Variants in SV2C observed in about 807,000 individuals in gnomAD.
SV2C encodes the protein synaptic vesicle glycoprotein 2C.
A neutral mutation model predicts 79.7 loss-of-function variants in SV2C; 49 were observed. That is an observed-to-expected ratio of 0.61 (90% CI 0.49 to 0.78). The LOEUF (loss-of-function observed/expected upper bound fraction) is 0.78, where lower values mean the gene tolerates loss of function less well. Ranked by LOEUF, SV2C falls within the 30% of genes least tolerant of loss-of-function variation. The pLI, the probability that SV2C is intolerant of heterozygous loss-of-function variation, is 0.00. For synonymous variants in SV2C, 334 were observed against 333.2 expected (o/e 1.00, Z -0.03); for missense variants, 833 against 912.9 (o/e 0.91, Z 1.13).
At chr5:75,920,910 C>G in the SV2C span, 1 of 742,058 alleles carries the variant, frequency 1.3e-6, no homozygotes, top group African/African-American at 1.7e-5. Flanking sequence ...GCCCTGCAGG[C>G]CCTGGTCTCG....
At chr5:76,222,972 G>A (rs891494843) in intron 4 of SV2C, among the ~76,000 whole-genome samples, 1 of 152,098 alleles carries the variant, frequency 6.6e-6, no homozygotes, top group Non-Finnish European at 1.5e-5. Flanking sequence ...TGTACATGAA[G>A]AAGCTAAGAA....
intron 1 of SV2C, among the ~76,000 whole-genome samples, chr5:76,105,881 G>A (rs1747894190): frequency 6.6e-6 from 1 of 151,986 alleles, no homozygotes; most frequent in Admixed American, 6.6e-5. Context: ...GATCCGGGGA[G>A]CAATCTTCTC....
the SV2C span, among the ~76,000 whole-genome samples, chr5:75,998,679 T>G: frequency 1.7e-4 from 25 of 148,426 alleles, no homozygotes; most frequent in African/African-American, 2.6e-4. Context: ...TGTGTGTGGG[T>G]GTGTGTGTGT....
chr5:76,254,558 G>C (rs1746213344), intron 4 of SV2C, among the ~76,000 whole-genome samples: 1 of 152,090 alleles, frequency 6.6e-6, no homozygotes, highest in Admixed American at 6.5e-5. Flanking sequence ...ATCTGACATA[G>C]ATATGCCCAA....
chr5:76,219,724 T>G (rs949543274), intron 4 of SV2C, among the ~76,000 whole-genome samples: 4 of 152,128 alleles, frequency 2.6e-5, no homozygotes, highest in African/African-American at 9.7e-5. Flanking sequence ...CTTGAGAGAT[T>G]GAGAGTTCTG....
intron 4 of SV2C, among the ~76,000 whole-genome samples, chr5:76,255,152 T>C (rs1415863615): frequency 6.6e-6 from 1 of 152,246 alleles, no homozygotes; most frequent in Admixed American, 6.5e-5. Flanking sequence ...TCTGTGGATC[T>C]CTCCAGTAAT....
At chr5:76,208,854 C>T (rs934306901) in intron 3 of SV2C, among the ~76,000 whole-genome samples, 30 of 152,080 alleles carry the variant, frequency 2.0e-4, no homozygotes, top group Admixed American at 3.9e-4. Flanking sequence ...TACTACCTTG[C>T]TTTTTGAGGC....
chr5:76,027,354 G>A, the SV2C span, among the ~76,000 whole-genome samples: 1 of 151,394 alleles, frequency 6.6e-6, no homozygotes, highest in African/African-American at 2.4e-5. Flanking sequence ...GAGCCACCAA[G>A]CCCAACCTTT....
the SV2C span, among the ~76,000 whole-genome samples, chr5:75,965,487 A>G: frequency 1.3e-5 from 2 of 152,156 alleles, no homozygotes; most frequent in Non-Finnish European, 2.9e-5. Context: ...CATGTGACAC[A>G]CAGTGAAAAG....
chr5:76,022,092 G>A, the SV2C span, among the ~76,000 whole-genome samples: 1 of 152,158 alleles, frequency 6.6e-6, no homozygotes, highest in African/African-American at 2.4e-5. Flanking sequence ...CTGAGAAATT[G>A]AAGCTTACAG....
the SV2C span, among the ~76,000 whole-genome samples, chr5:75,890,791 T>G: frequency 6.6e-6 from 1 of 152,084 alleles, no homozygotes; most frequent in Non-Finnish European, 1.5e-5. Flanking sequence ...GGGCTAGGCC[T>G]GCAGTGGAGG....
intron 4 of SV2C, among the ~76,000 whole-genome samples, chr5:76,262,812 C>A (rs1746519804): frequency 7.0e-6 from 1 of 142,594 alleles, no homozygotes; most frequent in African/African-American, 3.1e-5. Flanking sequence ...GTTGTGATTT[C>A]CGTTCTTTTG....
chr5:76,042,564 CA>C, the SV2C span, among the ~76,000 whole-genome samples: 89 of 152,328 alleles, frequency 5.8e-4, no homozygotes, highest in Non-Finnish European at 1.1e-3. Flanking sequence ...GGCCCTTTGG[CA>C]GTTGCCTCTG....
intron 2 of SV2C, among the ~76,000 whole-genome samples, chr5:76,172,739 G>A (rs1483262817): frequency 2.4e-5 from 2 of 84,518 alleles, no homozygotes; most frequent in Non-Finnish European, 4.6e-5. Context: ...GTTGATCTGT[G>A]ACCTTACCCC....
chr5:76,058,961 G>T, the SV2C span, among the ~76,000 whole-genome samples: 408 of 152,204 alleles, frequency 2.7e-3, 1 homozygote, highest in African/African-American at 9.3e-3. Flanking sequence ...ACCACTAAAA[G>T]AAAGCAAATA....
chr5:76,228,787 G>C (rs72773773), intron 4 of SV2C, among the ~76,000 whole-genome samples: 1 of 142,446 alleles, frequency 7.0e-6, no homozygotes, highest in Non-Finnish European at 1.5e-5. Context: ...TATGAAGTAC[G>C]CATTAATATT....
chr5:76,132,089 G>A lies in SV2C; in HGVS notation c.339G>A (p.Lys113=), dbSNP rs1226070785. 2 of 1,613,312 alleles carry A rather than the reference G, an allele frequency of 1.2e-6. No homozygotes were observed. The highest frequency in any genetic ancestry group is 2.7e-5 in the African/African-American group (2 of 74,910). The part of the protein sequence containing the change: ...KDSIVSVGQP[K]GDEYKDRREL... ...GCATCGTGTCAGTGGGGCAGCCCAA[G>A]GGCGATGAGTACAAGGACCGGCGGG... Residue 113 remains lysine (K), a synonymous_variant, in exon 2 of 13, where the codon AAG becomes AAA. Coordinates refer to ENST00000502798, the MANE Select transcript of SV2C (RefSeq NM_014979.4).
the SV2C span, among the ~76,000 whole-genome samples, chr5:75,995,168 C>T: frequency 2.9e-3 from 435 of 152,220 alleles, 7 homozygotes; most frequent in Admixed American, 0.022. Context: ...AGTCTATCAA[C>T]TTAAATGCTA....
chr5:76,238,027 TAC>T (rs796926428), intron 4 of SV2C, among the ~76,000 whole-genome samples: 4,610 of 122,766 alleles, frequency 0.038, 90 homozygotes, highest in East Asian at 0.07. Flanking sequence ...CAATCACACA[TAC>T]ACACACACAC....
Sources: gnomAD v4.1 joint callset for allele counts (sites outside exome capture counted in the v4.1 genomes callset) on GRCh38, gnomAD v4.1.1 for gene constraint, MANE v1.5 for transcripts, NCBI Gene and HGNC (gene_info 2026-07-23, HGNC 2026-07-21) for gene names.